The following JADE2 variants were observed in gnomAD, a reference collection of about 807,000 sequenced individuals.
The protein encoded by JADE2 is E3 ubiquitin-protein ligase Jade-2.
In JADE2, 13 loss-of-function variants were observed where a neutral mutation model predicts 85.7. The observed-to-expected ratio is 0.15, with a 90% confidence interval of 0.10 to 0.24. The LOEUF is 0.24. JADE2 is among the 10% of genes least tolerant of loss of function. The pLI is 1.00. For synonymous variants in JADE2, 440 were observed against 456.1 expected, an observed-to-expected ratio of 0.96 and a Z score of 0.45; for missense variants, 846 against 1,115.9, an observed-to-expected ratio of 0.76 and a Z score of 3.45.
chr5:134,525,406 A>C (rs1158774870), upstream of JADE2, among the ~76,000 whole-genome samples: 3 of 149,858 alleles, frequency 2.0e-5, no homozygotes, highest in Non-Finnish European at 3.0e-5. Flanking sequence ...GGGTGCCAGC[A>C]GGCGTGGTGG....
intron 9 of JADE2, among the ~76,000 whole-genome samples, chr5:134,570,644 AG>A (rs1763938209): frequency 6.6e-6 from 1 of 151,992 alleles, no homozygotes; most frequent in Admixed American, 6.6e-5. Flanking sequence ...CGATCCTCTC[AG>A]CAGCGGCTGC....
At chr5:134,526,237 A>G (rs543858732) in intron 1 of JADE2, 16 of 985,432 alleles carry the variant, frequency 1.6e-5, no homozygotes, top group East Asian at 2.3e-4. Context: ...TTTAAAGAGT[A>G]CAGTGCGGGG....
At position 134,566,029 on chromosome 5, in the gene JADE2, C is replaced by A; in HGVS notation, c.970-87C>A. 1 of 1,172,188 alleles carries A rather than the reference C, an allele frequency of 8.5e-7. No individual in the cohort carries two copies. The allele number at this position is 1,172,188 out of a possible 1,614,324, so 72.6% of individuals were successfully genotyped here. ...GGTTCTCTCCAGCATTGCGCATTCT[C>A]AGTAGAGCCCTGGGGGAAGCCCCTC... On this transcript the variant is annotated intron_variant, in intron 8 of 11. Coordinates refer to ENST00000681547, the MANE Select transcript of JADE2 (RefSeq NM_001388185.1). The surrounding 1 kb of genome is among the most constrained non-coding windows in gnomAD (Gnocchi z 6.7).
At chr5:134,553,198 T>C (rs1468248357) in intron 4 of JADE2, among the ~76,000 whole-genome samples, 2 of 152,076 alleles carry the variant, frequency 1.3e-5, no homozygotes, top group East Asian at 1.9e-4. Flanking sequence ...CTCTAACTCC[T>C]GGGCTCAAGC....
rs773756182 is a variant in JADE2, at chr5:134,538,056, C to T, written c.126C>T (p.Pro42=). ...KLPSSTKSGW[P]RQNEKKPSEV... ...CCAGCAGCACCAAGTCGGGCTGGCC[C>T]CGACAGAACGAAAAGAAGCCCTCCG... Residue 42 remains proline (P), a synonymous_variant, in exon 3 of 12, where the codon CCC becomes CCT. Coordinates refer to ENST00000681547, the MANE Select transcript of JADE2 (RefSeq NM_001388185.1). The T allele has an allele frequency of 6.8e-6, 11 of 1,614,128 alleles. No individual in the cohort carries two copies. The Admixed American group carries it at 1.7e-4, about 24-fold the overall frequency.
intron 3 of JADE2, among the ~76,000 whole-genome samples, chr5:134,541,468 C>G (rs992380218): frequency 6.6e-6 from 1 of 152,234 alleles, no homozygotes; most frequent in African/African-American, 2.4e-5. Context: ...GTCTGCTGAG[C>G]CTGGGCCTTG....
upstream of JADE2, chr5:134,524,531 C>G (rs932684691): frequency 3.9e-5 from 6 of 152,334 alleles, no homozygotes; most frequent in African/African-American, 1.4e-4. Context: ...TGGAAGTTAC[C>G]CCTCGGTTTT....
In JADE2 at chr5:134,573,659, C is replaced by T. The variant is rs1764178377; in HGVS notation, c.1449C>T (p.Cys483=). ...RQDLERVRNL[C]YMVTRRERTK... is the part of the protein sequence containing the mutation. The stretch of plus-strand genomic sequence containing the variant: ...TGTTTTCTCAGGTTAGAAATCTGTG[C>T]TACATGGTGACAAGGCGCGAGAGAA... The change falls in exon 10 of 12, where the codon TGC becomes TGT. Residue 483 remains cysteine, a synonymous_variant. Transcript: ENST00000681547. The T allele has an allele frequency of 6.2e-7, 1 of 1,612,690 alleles. No homozygotes were observed.
intron 3 of JADE2, among the ~76,000 whole-genome samples, chr5:134,551,140 G>C (rs1762568246): frequency 6.6e-6 from 1 of 152,190 alleles, no homozygotes; most frequent in African/African-American, 2.4e-5. Context: ...GTGTCTGGGG[G>C]TGCAGATAGA....
In JADE2 at chr5:134,579,159, C is replaced by T. The variant is rs376204103; in HGVS notation, c.2347C>T (p.Pro783Ser). 3.7e-6 allele frequency: 6 copies of T among 1,614,118 alleles called. No homozygotes were observed. The South Asian group carries it at 5.5e-5, about 15-fold the overall frequency. The change falls in exon 12 of 12, where the codon CCC (proline) becomes TCC (serine). Residue 783 changes from proline (P) to serine (S), a missense_variant. Physicochemically the swap from Pro to Ser is moderately conservative, Grantham distance 74. Coordinates refer to ENST00000681547, the MANE Select transcript of JADE2 (RefSeq NM_001388185.1). This position sits in a 1 kb window ranked among gnomAD's most constrained non-coding sequence, Gnocchi z 4.6. ...MGPPSAVAER[P>S]KVSLHFDTET... ...ACCACCTTCAGCTGTGGCTGAGAGG[C>T]CCAAGGTCAGCCTGCATTTTGACAC...
chr5:134,534,840 G>A (rs1174082244), intron 1 of JADE2, among the ~76,000 whole-genome samples: 1 of 152,260 alleles, frequency 6.6e-6, no homozygotes, highest in Non-Finnish European at 1.5e-5. Context: ...AAGACCCAGA[G>A]CAGGTTAACG....
At chr5:134,572,818 A>G (rs144389188) in intron 9 of JADE2, among the ~76,000 whole-genome samples, 58 of 152,332 alleles carry the variant, frequency 3.8e-4, no homozygotes, top group African/African-American at 1.3e-3. Context: ...GGGACCACCT[A>G]TAAGAAGGGT....
rs754282089 is a variant in JADE2 at position 134,573,686 on chromosome 5, G to A, written c.1476G>A (p.Thr492=). 1.7e-5 allele frequency: 27 copies of A among 1,613,816 alleles called. No homozygotes were observed. Among genetic ancestry groups the A allele is most frequent in the Non-Finnish European group, 2.2e-5 (26 of 1,179,788 alleles). The change falls in exon 10 of 12, where the codon ACG becomes ACA. Residue 492 remains threonine (T), a synonymous_variant. Transcript: ENST00000681547. ...LCYMVTRRER[T]KHAICKLQEQ... ...ACATGGTGACAAGGCGCGAGAGAACGAAACACGCCATCTGCAAACTCCAGG... is the reference window on the plus strand; with the variant it reads ...ACATGGTGACAAGGCGCGAGAGAACAAAACACGCCATCTGCAAACTCCAGG...
At chr5:134,536,971 A>G (rs1761630729) in intron 2 of JADE2, among the ~76,000 whole-genome samples, 1 of 152,128 alleles carries the variant, frequency 6.6e-6, no homozygotes, top group Non-Finnish European at 1.5e-5. Flanking sequence ...TCCAAGTCTC[A>G]TTTGTTGTCC....
intron 1 of JADE2, among the ~76,000 whole-genome samples, chr5:134,535,230 G>A (rs1391432692): frequency 6.6e-6 from 1 of 152,136 alleles, no homozygotes; most frequent in East Asian, 1.9e-4. Flanking sequence ...ATCTGGGAAG[G>A]ATGGTGGGGA....
intron 10 of JADE2, chr5:134,574,148 T>C (rs1316920539): frequency 3.1e-6 from 1 of 318,288 alleles, no homozygotes; most frequent in Non-Finnish European, 6.0e-6. Context: ...AACCCTGGTG[T>C]GCCTGGGAGT....
chr5:134,541,170 C>T (rs1029025753), intron 3 of JADE2, among the ~76,000 whole-genome samples: 1 of 152,234 alleles, frequency 6.6e-6, no homozygotes, highest in Admixed American at 6.5e-5. Flanking sequence ...GTCCTCCCCG[C>T]CCAGAACCCT....
chr5:134,569,121 C>T (rs977242711), intron 9 of JADE2, among the ~76,000 whole-genome samples: 1 of 152,244 alleles, frequency 6.6e-6, no homozygotes, highest in Non-Finnish European at 1.5e-5. Flanking sequence ...ACCTTGGGGT[C>T]ACAGTGCATG....
chr5:134,530,693 AC>A (rs1248475565), intron 1 of JADE2, among the ~76,000 whole-genome samples: 3 of 152,226 alleles, frequency 2.0e-5, no homozygotes, highest in Non-Finnish European at 4.4e-5. Flanking sequence ...TGCCAAGAAA[AC>A]ATCTGCCACC....
Sources: gnomAD v4.1 joint callset for allele counts (sites outside exome capture counted in the v4.1 genomes callset) on GRCh38, gnomAD v4.1.1 for gene constraint, Gnocchi (gnomAD v3.1) non-coding constraint, MANE v1.5 for transcripts, NCBI Gene and HGNC (gene_info 2026-07-23, HGNC 2026-07-21) for gene names.